Variants in RNASE10 observed in about 807,000 individuals in gnomAD.
RNASE10 encodes the protein inactive ribonuclease-like protein 10.
Under a neutral mutation model 1.1 loss-of-function variants are expected in RNASE10, and 2 were observed. The ratio of observed to expected loss-of-function variants is 1.82; its 90% CI spans 0.74 to 5.73. The LOEUF (loss-of-function observed/expected upper bound fraction) is 5.73, where lower values mean the gene tolerates loss of function less well. RNASE10 is among the 30% of genes most tolerant of loss of function. The pLI is 0.05. For synonymous variants in RNASE10, 97 were observed against 96.2 expected (o/e 1.01, Z -0.05); for missense variants, 276 against 263.4 (o/e 1.05, Z -0.33).
downstream of RNASE10, among the ~76,000 whole-genome samples, chr14:20,513,739 C>T (rs115419782): frequency 1.1e-3 from 166 of 152,306 alleles, no homozygotes; most frequent in African/African-American, 3.8e-3. Flanking sequence ...TATAAACATA[C>T]ACACATTAAC....
intron 1 of RNASE10, among the ~76,000 whole-genome samples, chr14:20,506,749 T>G (rs1279844254): frequency 3.3e-5 from 3 of 92,038 alleles, no homozygotes; most frequent in African/African-American, 8.7e-5. Flanking sequence ...AGCCGCCCCG[T>G]CCGGGAGGGA....
exon 1 of RNASE10, chr14:20,505,792 G>A (rs1178406012): frequency 9.8e-6 from 1 of 102,100 alleles, no homozygotes; most frequent in African/African-American, 7.0e-5. Context: ...GGGATACGAG[G>A]AGCCTCTCTG....
chr14:20,513,451 T>A (rs1456434494), downstream of RNASE10, among the ~76,000 whole-genome samples: 1 of 152,124 alleles, frequency 6.6e-6, no homozygotes, highest in Non-Finnish European at 1.5e-5. Flanking sequence ...CTAATTCCAA[T>A]GTAGCTTCCT....
chr14:20,512,278 A>G (rs1882917401), downstream of RNASE10, among the ~76,000 whole-genome samples: 1 of 152,218 alleles, frequency 6.6e-6, no homozygotes, highest in Admixed American at 6.5e-5. Flanking sequence ...GGAGAAGAGA[A>G]GCTGTGTGGC....
chr14:20,505,368 A>C (rs1397611909), upstream of RNASE10, among the ~76,000 whole-genome samples: 1 of 82,496 alleles, frequency 1.2e-5, no homozygotes, highest in East Asian at 2.7e-4. Context: ...TGCCGAGCCA[A>C]AGCTGGACGG....
chr14:20,511,929 G>A (rs754546122), downstream of RNASE10, among the ~76,000 whole-genome samples: 15 of 151,802 alleles, frequency 9.9e-5, no homozygotes, highest in Non-Finnish European at 2.1e-4. Flanking sequence ...TCAGTCAGCC[G>A]ATACTGATCA....
exon 2 of RNASE10, chr14:20,510,729 C>A: frequency 6.2e-7 from 1 of 1,614,150 alleles, no homozygotes; most frequent in Non-Finnish European, 8.5e-7. Flanking sequence ...ATCCCATCCT[C>A]GGTGAAGATG....
intron 1 of RNASE10, among the ~76,000 whole-genome samples, chr14:20,508,149 A>G (rs567381019): frequency 6.6e-6 from 1 of 152,282 alleles, no homozygotes; most frequent in Non-Finnish European, 1.5e-5. Flanking sequence ...AGTATATTGC[A>G]TATGTTGTGC....
At chr14:20,510,872 G>T (rs759653280) in exon 2 of RNASE10, 2 of 1,614,164 alleles carry the variant, frequency 1.2e-6, no homozygotes, top group South Asian at 1.1e-5. Flanking sequence ...AGTCAGAGTT[G>T]CATAGCCCAG....
chr14:20,507,115 C>T (rs1465919274), intron 1 of RNASE10, among the ~76,000 whole-genome samples: 16 of 149,190 alleles, frequency 1.1e-4, no homozygotes, highest in Admixed American at 4.7e-4. Context: ...GGGAGGTGTG[C>T]CCAGCGGCTC....
chr14:20,511,671 G>T (rs1418948483), downstream of RNASE10, among the ~76,000 whole-genome samples: 1 of 152,320 alleles, frequency 6.6e-6, no homozygotes, highest in South Asian at 2.1e-4. Context: ...GGGAGGTGGT[G>T]TGGTGCTGTA....
At chr14:20,507,056 G>C (rs1446059941) in intron 1 of RNASE10, among the ~76,000 whole-genome samples, 1 of 150,846 alleles carries the variant, frequency 6.6e-6, no homozygotes, top group Non-Finnish European at 1.5e-5. Flanking sequence ...CTGCCCGGCC[G>C]CCCCTACTGG....
chr14:20,506,379 G>T (rs1178229417), intron 1 of RNASE10, among the ~76,000 whole-genome samples: 1 of 123,218 alleles, frequency 8.1e-6, no homozygotes, highest in African/African-American at 3.3e-5. Context: ...CTGCCCGGCC[G>T]CCCCTACTGG....
chr14:20,511,115 G>A lies in RNASE10; in HGVS notation c.728G>A (p.Gly243Glu), dbSNP rs552585456. 8 of 1,486,898 alleles carry A rather than the reference G, an allele frequency of 5.4e-6. No homozygotes were observed. The South Asian group carries it at 1.2e-4, about 22-fold the overall frequency. 92.1% of individuals were successfully genotyped at this position (1,486,898 alleles called of 1,614,324 possible). The stretch of plus-strand genomic sequence containing the variant: ...GACATGAAGCGCCAGTTACCAACTG[G>A]ACAATGAAGCAACTCATCATCTTTT... The change falls in exon 2 of 2, where the codon GGA becomes GAA. Residue 243 changes from glycine to glutamate, a missense_variant. Transcript: ENST00000430083.
At chr14:20,513,219 T>G (rs1882938509), downstream of RNASE10, among the ~76,000 whole-genome samples, 1 of 140,230 alleles carries the variant, frequency 7.1e-6, no homozygotes, top group Admixed American at 6.8e-5. Flanking sequence ...TTTTGTTTTG[T>G]TTTGTTTTTG....
chr14:20,510,277 A>G, intron 1 of RNASE10, 190 bp from the exon 2 acceptor site: 1 of 344,278 alleles, frequency 2.9e-6, no homozygotes, highest in Non-Finnish European at 4.1e-6. Flanking sequence ...AGCAACAGGG[A>G]ATGTGGTAGG....
intron 1 of RNASE10, among the ~76,000 whole-genome samples, chr14:20,506,373 C>A (rs1882717912): frequency 7.9e-6 from 1 of 126,796 alleles, no homozygotes; most frequent in Admixed American, 7.4e-5. Flanking sequence ...GCGCCTCTGC[C>A]CGGCCGCCCC....
chr14:20,506,199 C>T (rs1882707712), intron 1 of RNASE10, among the ~76,000 whole-genome samples, 180 bp downstream of exon 1: 1 of 140,220 alleles, frequency 7.1e-6, no homozygotes. Context: ...GGGTCAGCCC[C>T]CCGCCCGGCC....
chr14:20,510,675 G>C, exon 2 of RNASE10: 1 of 1,614,194 alleles, frequency 6.2e-7, no homozygotes, highest in Non-Finnish European at 8.5e-7. Flanking sequence ...CAGAAACGCT[G>C]GTGCTTAGCA....
Sources: gnomAD v4.1 joint callset for allele counts (sites outside exome capture counted in the v4.1 genomes callset) on GRCh38, gnomAD v4.1.1 for gene constraint, MANE v1.5 for transcripts, NCBI Gene and HGNC (gene_info 2026-07-23, HGNC 2026-07-21) for gene names.